The following PUS7 variants were observed in gnomAD, a reference collection of about 807,000 sequenced individuals.
PUS7 encodes pseudouridine synthase 7.
PUS7 carries 48 observed loss-of-function variants against 79.8 expected under a neutral mutation model. That is an observed-to-expected ratio of 0.60 (90% confidence interval 0.48 to 0.76). PUS7 has a LOEUF of 0.76. Among genes scored for constraint, PUS7 ranks in the 30% least tolerant of loss-of-function variants. The probability of loss-of-function intolerance (pLI) is 0.00; values close to 1 mark genes in which losing one functional copy is unlikely to be tolerated. For synonymous variants in PUS7, 286 were observed against 272.2 expected, an observed-to-expected ratio of 1.05 and a Z score of -0.50; for missense variants, 729 against 797.6, an observed-to-expected ratio of 0.91 and a Z score of 1.04.
At chr7:105,509,521 T>C (rs2133262801) in intron 1 of PUS7, among the ~76,000 whole-genome samples, 1 of 152,294 alleles carries the variant, frequency 6.6e-6, no homozygotes, top group East Asian at 1.9e-4. Flanking sequence ...CCCAGTCTGG[T>C]GTGCAGTGGC....
At position 105,507,967 on chromosome 7, in the gene PUS7, G is replaced by A. The variant is rs1475813125; in HGVS notation, c.398+148C>T. ...TTAAAAATCCAAGGCTATTTATTCA[G>A]GCAGGTTTCCTTCATCCTATTCCTT... On this transcript the variant is annotated intron_variant, in intron 2 of 15. Transcript: ENST00000469408. 4.7e-6 allele frequency: 5 copies of A among 1,066,770 alleles called. No homozygotes were observed. The Admixed American group carries it at 1.1e-4, about 22-fold the overall frequency. The allele number at this position is 1,066,770 out of a possible 1,614,324, so 66.1% of individuals were successfully genotyped here. A position where few individuals can be genotyped will look rare whatever the true frequency, so the allele number is the denominator to read the frequency against.
At chr7:105,477,652 T>C (rs996469718) in intron 9 of PUS7, among the ~76,000 whole-genome samples, 4 of 152,166 alleles carry the variant, frequency 2.6e-5, no homozygotes, top group African/African-American at 9.7e-5. Flanking sequence ...TTAGTATTTT[T>C]AAAGAACTGT....
intron 9 of PUS7, among the ~76,000 whole-genome samples, chr7:105,474,712 C>T (rs1158822324): frequency 6.6e-5 from 10 of 152,074 alleles, no homozygotes; most frequent in East Asian, 1.9e-4. Flanking sequence ...ACCCAGGAGG[C>T]GGAGGTTGCA....
intron 5 of PUS7, among the ~76,000 whole-genome samples, chr7:105,500,923 T>G (rs1422434978): frequency 1.3e-5 from 2 of 152,218 alleles, no homozygotes; most frequent in Non-Finnish European, 2.9e-5. Flanking sequence ...GAGTAAAAAG[T>G]AATTCAGGAC....
rs546562237 is a variant in PUS7 at position 105,515,277 on chromosome 7, G to T, written c.-32-6733C>A. ...ATTGCTGTAACTATGTGAAAACCCT[G>T]TACGAAAAATGTTGTAATCCTGCTA... On this transcript the variant is annotated intron_variant, in intron 1 of 15. Coordinates refer to ENST00000469408, the MANE Select transcript of PUS7 (RefSeq NM_019042.5). 3.9e-5 allele frequency among the ~76,000 whole-genome samples: 6 copies of T among 152,198 alleles called. No homozygotes were observed. In the South Asian group the frequency reaches 1.2e-3, roughly 32 times the overall value.
chr7:105,477,317 G>A (rs1370844935), intron 9 of PUS7, among the ~76,000 whole-genome samples: 1 of 151,690 alleles, frequency 6.6e-6, no homozygotes, highest in East Asian at 1.9e-4. Context: ...GTACAATCTT[G>A]GGTCACTTCA....
chr7:105,508,579 T>C (rs1034325462), intron 1 of PUS7, 35 bp from the exon 2 acceptor site: 2 of 1,548,380 alleles, frequency 1.3e-6, no homozygotes, highest in Middle Eastern at 1.7e-4. Context: ...CAATCACCTA[T>C]ATAAAAGCTG....
At chr7:105,482,983 A>T (rs1824388563) in intron 7 of PUS7, among the ~76,000 whole-genome samples, 2 of 152,098 alleles carry the variant, frequency 1.3e-5, no homozygotes. Flanking sequence ...TTCTTTTTTT[A>T]AAAGACATGT....
intron 1 of PUS7, among the ~76,000 whole-genome samples, chr7:105,512,144 CAAAAAAAA>C (rs59884368): frequency 3.9e-4 from 27 of 68,832 alleles, no homozygotes; most frequent in African/African-American, 1.4e-3. Flanking sequence ...GATTCTGTCT[CAAAAAAAA>C]AAAAAAAAAA....
chr7:105,493,533 G>A (rs1352714990), intron 6 of PUS7, among the ~76,000 whole-genome samples: 1 of 152,196 alleles, frequency 6.6e-6, no homozygotes, highest in Non-Finnish European at 1.5e-5. Context: ...GCTGAACTGT[G>A]TCTCCCCCAA....
intron 2 of PUS7, among the ~76,000 whole-genome samples, chr7:105,506,565 G>A (rs936484375): frequency 6.6e-6 from 1 of 151,912 alleles, no homozygotes; most frequent in African/African-American, 2.4e-5. Flanking sequence ...TGGGATTACA[G>A]GCACGTGCCA....
At chr7:105,465,499 C>T (rs894517353) in intron 12 of PUS7, 85 bp from the exon 13 acceptor site, 1 of 1,027,966 alleles carries the variant, frequency 9.7e-7, no homozygotes, top group Non-Finnish European at 1.4e-6. Flanking sequence ...TACATCTAAG[C>T]AAGTCAGAAG....
chr7:105,500,786 C>G (rs1272805355), intron 5 of PUS7, among the ~76,000 whole-genome samples: 1 of 152,202 alleles, frequency 6.6e-6, no homozygotes, highest in Non-Finnish European at 1.5e-5. Flanking sequence ...AACAGTGGCT[C>G]CAATCACTTT....
chr7:105,495,424 G>A, intron 5 of PUS7, 171 bp from the exon 6 acceptor site: 1 of 499,754 alleles, frequency 2.0e-6, no homozygotes, highest in Non-Finnish European at 3.5e-6. Context: ...TCCTGTAATT[G>A]GACACTTAAC....
At chr7:105,508,081 A>G in intron 2 of PUS7, 34 bp downstream of exon 2, 1 of 1,571,434 alleles carries the variant, frequency 6.4e-7, no homozygotes, top group Non-Finnish European at 8.6e-7. Context: ...AACCTAATAC[A>G]ATCAAAATAA....
intron 5 of PUS7, among the ~76,000 whole-genome samples, chr7:105,501,954 C>G (rs1182255199): frequency 8.0e-6 from 1 of 124,266 alleles, no homozygotes; most frequent in Non-Finnish European, 1.6e-5. Context: ...GACTCCGTCT[C>G]AAAAAAAAAA....
At chr7:105,508,087 A>G in intron 2 of PUS7, 28 bp downstream of exon 2, 1 of 1,580,744 alleles carries the variant, frequency 6.3e-7, no homozygotes, top group East Asian at 2.2e-5. Flanking sequence ...ATACAATCAA[A>G]ATAACTTTAT....
chr7:105,511,541 C>T (rs530690665), intron 1 of PUS7, among the ~76,000 whole-genome samples: 2 of 151,374 alleles, frequency 1.3e-5, no homozygotes, highest in Admixed American at 1.3e-4. Context: ...GTGGGTGGAT[C>T]ACCTGAGGTC....
At chr7:105,458,477 G>A (rs1214814461) in intron 15 of PUS7, among the ~76,000 whole-genome samples, 1 of 150,698 alleles carries the variant, frequency 6.6e-6, no homozygotes, top group Non-Finnish European at 1.5e-5. Context: ...ATGTTGGCCA[G>A]GCTGGTCTGG....
Sources: gnomAD v4.1 joint callset for allele counts (sites outside exome capture counted in the v4.1 genomes callset) on GRCh38, gnomAD v4.1.1 for gene constraint, MANE v1.5 for transcripts, NCBI Gene and HGNC (gene_info 2026-07-23, HGNC 2026-07-21) for gene names.